The following RBFOX1 variants were observed in gnomAD, a reference collection of about 807,000 sequenced individuals.
RBFOX1 encodes RNA binding fox-1 homolog 1.
RBFOX1 carries 8 observed loss-of-function variants against 57.7 expected under a neutral mutation model. That is an observed-to-expected ratio of 0.14 (90% CI 0.08 to 0.25). The LOEUF is 0.25. Ranked by LOEUF, RBFOX1 falls within the 10% of genes least tolerant of loss-of-function variation. RBFOX1 has a pLI of 1.00. For missense variants in RBFOX1, 611 were observed against 548.5 expected (o/e 1.11, Z -1.14); for synonymous variants, 326 against 222.4 (o/e 1.47, Z -4.15).
intron 3 of RBFOX1, among the ~76,000 whole-genome samples, chr16:6,898,831 G>T (rs2067649261): frequency 6.6e-6 from 1 of 151,556 alleles, no homozygotes; most frequent in African/African-American, 2.4e-5. Context: ...ATACATGTGT[G>T]TATGTGTGTG....
intron 2 of RBFOX1, among the ~76,000 whole-genome samples, chr16:6,492,719 G>C (rs145797771): frequency 4.4e-4 from 67 of 152,350 alleles, no homozygotes; most frequent in African/African-American, 1.6e-3. Context: ...AACTGGAGCG[G>C]AGGAAATACC....
intron 4 of RBFOX1, among the ~76,000 whole-genome samples, chr16:7,133,848 C>T (rs1230301035): frequency 6.6e-6 from 1 of 152,118 alleles, no homozygotes; most frequent in Non-Finnish European, 1.5e-5. Flanking sequence ...ACGTAATGCC[C>T]ATTTTGAAAT....
intron 3 of RBFOX1, among the ~76,000 whole-genome samples, chr16:5,659,875 C>A (rs998618098): frequency 2.6e-5 from 4 of 152,142 alleles, no homozygotes; most frequent in African/African-American, 9.7e-5. Context: ...ACTAGTTATC[C>A]TCATCCCTAC....
chr16:5,622,804 A>G (rs1032443949), intron 3 of RBFOX1, among the ~76,000 whole-genome samples: 11 of 152,200 alleles, frequency 7.2e-5, no homozygotes, highest in African/African-American at 2.7e-4. Flanking sequence ...GCATCTGTGG[A>G]TTCAACCAAC....
At chr16:7,421,816 C>T (rs1236854636) in intron 4 of RBFOX1, among the ~76,000 whole-genome samples, 1 of 152,232 alleles carries the variant, frequency 6.6e-6, no homozygotes, top group Non-Finnish European at 1.5e-5. Context: ...AATGATGGGG[C>T]ACTGAATTAT....
At chr16:7,002,559 A>G (rs1365296852) in intron 3 of RBFOX1, among the ~76,000 whole-genome samples, 1 of 152,046 alleles carries the variant, frequency 6.6e-6, no homozygotes, top group Non-Finnish European at 1.5e-5. Context: ...TAAAAATACA[A>G]AAATTTGCTG....
intron 2 of RBFOX1, among the ~76,000 whole-genome samples, chr16:6,351,370 A>ATTTTTTT (rs1446484402): frequency 9.9e-6 from 1 of 100,540 alleles, no homozygotes; most frequent in African/African-American, 5.2e-5. Context: ...ATATATATAT[A>ATTTTTTT]TATTTTTTTT....
chr16:7,104,840 A>C (rs1162216158), intron 4 of RBFOX1, among the ~76,000 whole-genome samples: 1 of 152,162 alleles, frequency 6.6e-6, no homozygotes, highest in African/African-American at 2.4e-5. Flanking sequence ...ACATTCTTCA[A>C]GGGAGAACTC....
chr16:6,414,753 T>C (rs1279590876), intron 2 of RBFOX1, among the ~76,000 whole-genome samples: 2 of 152,172 alleles, frequency 1.3e-5, no homozygotes, highest in Non-Finnish European at 2.9e-5. Flanking sequence ...GCAGGGATTC[T>C]TACCCAGGGT....
chr16:6,187,916 A>G (rs182230700), intron 1 of RBFOX1, among the ~76,000 whole-genome samples: 1 of 152,310 alleles, frequency 6.6e-6, no homozygotes, highest in African/African-American at 2.4e-5. Flanking sequence ...TGTTTTGCAC[A>G]TGTGCGTGCA....
At chr16:6,162,554 C>T (rs144854586) in intron 1 of RBFOX1, among the ~76,000 whole-genome samples, 4,048 of 152,272 alleles carry the variant, frequency 0.027, 81 homozygotes, top group Non-Finnish European at 0.043. Context: ...AGATGACTCT[C>T]AGTGAAATAC....
At chr16:6,585,127 T>A (rs1158607999) in intron 2 of RBFOX1, among the ~76,000 whole-genome samples, 2 of 152,200 alleles carry the variant, frequency 1.3e-5, no homozygotes, top group Admixed American at 1.3e-4. Context: ...TTTTAATCTC[T>A]GGCAGCCTCA....
At chr16:6,199,793 T>C (rs1598309462) in intron 1 of RBFOX1, among the ~76,000 whole-genome samples, 1 of 152,120 alleles carries the variant, frequency 6.6e-6, no homozygotes, top group Non-Finnish European at 1.5e-5. Context: ...TAAAAATCTG[T>C]ATGGGATGCT....
chr16:7,704,803 C>A (rs1361874473), intron 14 of RBFOX1, among the ~76,000 whole-genome samples: 1 of 152,146 alleles, frequency 6.6e-6, no homozygotes, highest in Non-Finnish European at 1.5e-5. Flanking sequence ...GTAATCCTAG[C>A]ACTTTGGGAG....
At chr16:5,424,957 T>TC (rs2067490974) in intron 1 of RBFOX1, among the ~76,000 whole-genome samples, 1 of 73,986 alleles carries the variant, frequency 1.4e-5, no homozygotes, top group Non-Finnish European at 2.5e-5. Flanking sequence ...TCTTCCTTTG[T>TC]TTCTTTCTCT....
At chr16:6,991,810 G>T (rs988448443) in intron 3 of RBFOX1, among the ~76,000 whole-genome samples, 9 of 152,144 alleles carry the variant, frequency 5.9e-5, no homozygotes, top group African/African-American at 2.2e-4. Context: ...GTGCTGCTAG[G>T]ATTACAGGTG....
intron 1 of RBFOX1, among the ~76,000 whole-genome samples, chr16:5,271,545 G>A (rs966439674): frequency 2.6e-5 from 4 of 152,360 alleles, no homozygotes; most frequent in Non-Finnish European, 5.9e-5. Flanking sequence ...TCATGGCGAC[G>A]CAGGTTCAAG....
intron 2 of RBFOX1, among the ~76,000 whole-genome samples, chr16:5,539,175 C>A (rs2044828289): frequency 6.6e-6 from 1 of 152,136 alleles, no homozygotes; most frequent in African/African-American, 2.4e-5. Flanking sequence ...GCAGGAAGTG[C>A]TGGGAGAGAA....
intron 4 of RBFOX1, among the ~76,000 whole-genome samples, chr16:7,395,580 C>T (rs144843489): frequency 6.6e-5 from 10 of 152,182 alleles, no homozygotes; most frequent in Non-Finnish European, 1.0e-4. Flanking sequence ...GAAAACAAGG[C>T]GAGACAAAAG....
Sources: gnomAD v4.1 joint callset for allele counts (sites outside exome capture counted in the v4.1 genomes callset) on GRCh38, gnomAD v4.1.1 for gene constraint, MANE v1.5 for transcripts, NCBI Gene and HGNC (gene_info 2026-07-23, HGNC 2026-07-21) for gene names.